The following CDIN1 variants were observed in gnomAD, a reference collection of about 807,000 sequenced individuals.
CDIN1 encodes the protein CDAN1-interacting nuclease 1.
Under a neutral mutation model 45.3 loss-of-function variants are expected in CDIN1, and 33 were observed. The ratio of observed to expected loss-of-function variants is 0.73; its 90% CI spans 0.55 to 0.97. CDIN1 has a LOEUF of 0.97. Ranked by LOEUF, CDIN1 falls within the 50% of genes least tolerant of loss-of-function variation. The probability of loss-of-function intolerance (pLI) is 0.00; values close to 1 mark genes in which losing one functional copy is unlikely to be tolerated. For synonymous variants in CDIN1, 118 were observed against 124.4 expected, an observed-to-expected ratio of 0.95 and a Z score of 0.34; for missense variants, 303 against 339.4, an observed-to-expected ratio of 0.89 and a Z score of 0.84.
intron 1 of CDIN1, among the ~76,000 whole-genome samples, chr15:36,600,448 G>C (rs2038041345): frequency 6.6e-6 from 1 of 152,184 alleles, no homozygotes; most frequent in African/African-American, 2.4e-5. Flanking sequence ...TGAAAGCAGT[G>C]TCAGAATAAT....
chr15:36,628,195 G>A (rs759551759), intron 1 of CDIN1, among the ~76,000 whole-genome samples: 8 of 152,080 alleles, frequency 5.3e-5, no homozygotes, highest in East Asian at 1.9e-4. Context: ...TAAAAATTCC[G>A]TTAGCCCTTT....
intron 10 of CDIN1, among the ~76,000 whole-genome samples, chr15:36,736,320 T>C (rs2044017565): frequency 6.6e-6 from 1 of 152,130 alleles, no homozygotes. Context: ...GCTTTGAAAA[T>C]CTCCCTTGAT....
At chr15:36,697,481 A>C in intron 8 of CDIN1, 91 bp downstream of exon 8, 3 of 995,426 alleles carry the variant, frequency 3.0e-6, no homozygotes, top group Middle Eastern at 2.5e-4. Context: ...GGAAGAGTGA[A>C]TGATGATTGA....
At chr15:36,638,457 A>G (rs2140379139) in intron 1 of CDIN1, among the ~76,000 whole-genome samples, 1 of 152,334 alleles carries the variant, frequency 6.6e-6, no homozygotes, top group South Asian at 2.1e-4. Context: ...TGCCTGGTTC[A>G]GGAACAAATT....
intron 3 of CDIN1, among the ~76,000 whole-genome samples, chr15:36,650,236 C>A (rs2040515153): frequency 6.6e-6 from 1 of 152,018 alleles, no homozygotes; most frequent in Admixed American, 6.6e-5. Context: ...TTTAGGCGGA[C>A]CTAAACAAAT....
At chr15:36,670,159 A>G (rs1349006450) in intron 5 of CDIN1, among the ~76,000 whole-genome samples, 1 of 152,100 alleles carries the variant, frequency 6.6e-6, no homozygotes, top group East Asian at 1.9e-4. Flanking sequence ...CAGTCCCACT[A>G]AACAACTTTT....
rs1392562646 is a variant in CDIN1, at chr15:36,772,123, A to G, written c.717-36201A>G. Among the ~76,000 whole-genome samples the G allele has an allele frequency of 2.0e-5, 3 of 152,254 alleles. No individual in the cohort carries two copies. In the East Asian group the frequency reaches 5.8e-4, roughly 29 times the overall value. The stretch of plus-strand genomic sequence containing the variant: ...TATGTTAACAGTTACCCTATTGCCA[A>G]CACATCATATCTTCAAGTAGAGTGT... On this transcript the variant is annotated intron_variant, in intron 10 of 10. Transcript: ENST00000566621.
At chr15:36,722,684 T>C (rs1417969298) in intron 10 of CDIN1, among the ~76,000 whole-genome samples, 1 of 152,200 alleles carries the variant, frequency 6.6e-6, no homozygotes, top group Admixed American at 6.5e-5. Context: ...TCTCCTGGAA[T>C]GGATAATGTA....
chr15:36,640,523 A>AGT lies in CDIN1; in HGVS notation c.102-3752_102-3751dup, dbSNP rs1389553659. On this transcript the variant is annotated intron_variant, in intron 1 of 10. Coordinates refer to ENST00000566621, the MANE Select transcript of CDIN1 (RefSeq NM_001321759.2). ...TCTCAGAGAATGTTGAGCCCAGTAG[A>AGT]GTGTACACATTTAAGCTTCCTAGAT... The AGT allele has an allele frequency of 3.6e-5, 16 of 444,096 alleles. No individual in the cohort carries two copies. In the Admixed American group the frequency reaches 7.7e-4, roughly 21 times the overall value. 27.5% of individuals were successfully genotyped at this position (444,096 alleles called of 1,614,324 possible).
chr15:36,785,909 G>A (rs1196151719), intron 10 of CDIN1, among the ~76,000 whole-genome samples: 1 of 152,156 alleles, frequency 6.6e-6, no homozygotes, highest in African/African-American at 2.4e-5. Context: ...ACAGACCCCT[G>A]TAAGAGACAT....
intron 10 of CDIN1, among the ~76,000 whole-genome samples, chr15:36,760,998 T>C (rs1236967275): frequency 6.6e-6 from 1 of 152,194 alleles, no homozygotes; most frequent in Non-Finnish European, 1.5e-5. Context: ...TCATTGTTAC[T>C]TTCCTTCCCC....
intron 10 of CDIN1, among the ~76,000 whole-genome samples, chr15:36,742,340 T>A (rs1007786241): frequency 1.3e-5 from 2 of 152,218 alleles, no homozygotes; most frequent in Non-Finnish European, 2.9e-5. Context: ...CATGTTCTAA[T>A]GCATAAAAGT....
chr15:36,705,178 GGTT>G (rs1430381838), intron 8 of CDIN1: 1 of 152,068 alleles, frequency 6.6e-6, no homozygotes, highest in East Asian at 1.9e-4. Flanking sequence ...TGAAGACCTG[GGTT>G]GTTTTTAAAA....
chr15:36,803,194 T>C (rs1483050888), intron 10 of CDIN1, among the ~76,000 whole-genome samples: 7 of 151,342 alleles, frequency 4.6e-5, no homozygotes, highest in Admixed American at 4.0e-4. Flanking sequence ...ACCAAAACAA[T>C]AGAACTGGAG....
At chr15:36,808,202 CA>C in intron 10 of CDIN1, 121 bp from the exon 11 acceptor site, 1 of 1,394,498 alleles carries the variant, frequency 7.2e-7, no homozygotes, top group East Asian at 2.3e-5. Context: ...ACAATGGTAG[CA>C]ACCAAAACAA....
chr15:36,806,269 C>T (rs1231403425), intron 10 of CDIN1, among the ~76,000 whole-genome samples: 2 of 152,156 alleles, frequency 1.3e-5, no homozygotes, highest in African/African-American at 4.8e-5. Context: ...GGCTTTTCTG[C>T]CTAGAAAATG....
At chr15:36,713,642 A>G (rs527697518) in intron 10 of CDIN1, among the ~76,000 whole-genome samples, 1 of 152,278 alleles carries the variant, frequency 6.6e-6, no homozygotes, top group Admixed American at 6.5e-5. Context: ...AAGCACTTTC[A>G]CAGTGCCTGG....
intron 8 of CDIN1, among the ~76,000 whole-genome samples, chr15:36,701,118 GTAGGTAGATAGATAGA>G (rs1231121829): frequency 0.022 from 2,359 of 107,096 alleles, 48 homozygotes; most frequent in East Asian, 0.056. Context: ...AGATAGATAG[GTAGGTAGATAGATAGA>G]TAGATAGATA....
intron 10 of CDIN1, among the ~76,000 whole-genome samples, chr15:36,752,345 A>G (rs2053498862): frequency 6.6e-6 from 1 of 152,254 alleles, no homozygotes; most frequent in Non-Finnish European, 1.5e-5. Context: ...TTTGTATTTC[A>G]GAAGATAAAG....
Sources: allele counts gnomAD v4.1 joint callset (sites outside exome capture counted in the v4.1 genomes callset), GRCh38; gene constraint gnomAD v4.1.1; transcripts MANE v1.5; gene names NCBI Gene and HGNC (gene_info 2026-07-23, HGNC 2026-07-21).